The following LRP1B variants were observed in gnomAD, a reference collection of about 807,000 sequenced individuals.
LRP1B encodes LDL receptor related protein 1B, also known as low-density lipoprotein receptor-related protein 1B.
LRP1B carries 217 observed loss-of-function variants against 556.6 expected under a neutral mutation model. The observed-to-expected ratio is 0.39, with a 90% CI of 0.35 to 0.44. LRP1B has a LOEUF of 0.44. Ranked by LOEUF, LRP1B falls within the 20% of genes least tolerant of loss-of-function variation. The pLI, the probability that LRP1B is intolerant of heterozygous loss-of-function variation, is 1.00. For synonymous variants in LRP1B, 2,047 were observed against 1,865.8 expected, an observed-to-expected ratio of 1.10 and a Z score of -2.50; for missense variants, 5,053 against 5,620.8, an observed-to-expected ratio of 0.90 and a Z score of 3.23.
intron 2 of LRP1B, among the ~76,000 whole-genome samples, chr2:141,588,755 A>G (rs2105291019): frequency 6.6e-6 from 1 of 152,326 alleles, no homozygotes; most frequent in Middle Eastern, 3.4e-3. Flanking sequence ...CGGTGAATGA[A>G]TGGATTTTTA....
At chr2:141,448,354 T>A (rs746498225) in intron 3 of LRP1B, among the ~76,000 whole-genome samples, 10 of 152,184 alleles carry the variant, frequency 6.6e-5, no homozygotes, top group Non-Finnish European at 1.3e-4. Flanking sequence ...TGCTGGGCTC[T>A]GTGGGGTGGG....
At chr2:141,012,928 G>A (rs564363423) in intron 14 of LRP1B, among the ~76,000 whole-genome samples, 1 of 151,834 alleles carries the variant, frequency 6.6e-6, no homozygotes, top group South Asian at 2.1e-4. Flanking sequence ...TTACTAAACT[G>A]TTTTCTTCAT....
chr2:141,627,904 G>A (rs1209786529), intron 2 of LRP1B, among the ~76,000 whole-genome samples: 2 of 152,176 alleles, frequency 1.3e-5, no homozygotes, highest in African/African-American at 4.8e-5. Context: ...AGAGAGTTAA[G>A]AACTCATTGA....
intron 86 of LRP1B, among the ~76,000 whole-genome samples, chr2:140,264,708 G>T (rs1053819243): frequency 2.0e-4 from 2 of 9,878 alleles, no homozygotes; most frequent in African/African-American, 6.9e-4. Flanking sequence ...ATATATGTGT[G>T]TGTGTGTGTG....
chr2:140,668,285 G>A (rs1685352524), intron 41 of LRP1B, among the ~76,000 whole-genome samples: 1 of 109,058 alleles, frequency 9.2e-6, no homozygotes, highest in African/African-American at 3.6e-5. Flanking sequence ...ACTCCAGCCT[G>A]GGTGACAGAG....
chr2:141,183,856 T>C (rs1385895294), intron 7 of LRP1B, among the ~76,000 whole-genome samples: 3 of 152,090 alleles, frequency 2.0e-5, no homozygotes, highest in Non-Finnish European at 4.4e-5. Context: ...CTTTGGTACC[T>C]TGACTAAAAT....
At chr2:141,968,115 C>A (rs1296212864) in intron 1 of LRP1B, among the ~76,000 whole-genome samples, 2 of 151,782 alleles carry the variant, frequency 1.3e-5, no homozygotes, top group East Asian at 3.9e-4. Context: ...CAAATTTTGG[C>A]AGCAGGTCAC....
chr2:140,862,164 C>T (rs1323467398), intron 27 of LRP1B, among the ~76,000 whole-genome samples: 1 of 152,106 alleles, frequency 6.6e-6, no homozygotes, highest in Non-Finnish European at 1.5e-5. Context: ...AAATTCAGCA[C>T]ATTTCAAAGT....
Position 141,770,042 on chromosome 2 carries a change from G to A in LRP1B, c.205+40237C>T, listed in dbSNP as rs1055704982. On this transcript the variant is annotated intron_variant, in intron 2 of 90. Transcript: ENST00000389484. ...ACCTATTAAAGGACGGCATGAGAGC[G>A]GGGACAAAAAGGAAATTCGGTCCTA... Among the ~76,000 whole-genome samples, 20 of 152,088 alleles carry A rather than the reference G, an allele frequency of 1.3e-4. 1 individual carries two copies. In the South Asian group the frequency reaches 1.7e-3, roughly 13 times the overall value.
At chr2:141,166,755 C>T (rs555299171) in intron 7 of LRP1B, among the ~76,000 whole-genome samples, 2 of 151,968 alleles carry the variant, frequency 1.3e-5, no homozygotes, top group South Asian at 4.2e-4. Flanking sequence ...GTGCAGTTGT[C>T]TTCATCTATG....
chr2:140,690,791 A>G (rs1686208688), intron 41 of LRP1B, among the ~76,000 whole-genome samples: 1 of 152,144 alleles, frequency 6.6e-6, no homozygotes, highest in Non-Finnish European at 1.5e-5. Context: ...GGACAACTTC[A>G]TCTTTTATTT....
At chr2:141,060,407 T>C (rs1479395844) in intron 8 of LRP1B, among the ~76,000 whole-genome samples, 1 of 151,804 alleles carries the variant, frequency 6.6e-6, no homozygotes, top group East Asian at 1.9e-4. Flanking sequence ...GTGTATTTAC[T>C]AATATCATTT....
chr2:140,438,041 T>C (rs949765000), intron 66 of LRP1B, among the ~76,000 whole-genome samples: 1 of 152,200 alleles, frequency 6.6e-6, no homozygotes, highest in African/African-American at 2.4e-5. Flanking sequence ...TTTTCTGAGA[T>C]AGGGTCTGTG....
intron 18 of LRP1B, among the ~76,000 whole-genome samples, chr2:140,978,703 C>G (rs1467549947): frequency 6.6e-6 from 1 of 152,150 alleles, no homozygotes; most frequent in Non-Finnish European, 1.5e-5. Flanking sequence ...GCCTACTAGA[C>G]TTTGTCAGCT....
At chr2:141,288,534 A>C (rs1685813290) in intron 3 of LRP1B, among the ~76,000 whole-genome samples, 1 of 152,136 alleles carries the variant, frequency 6.6e-6, no homozygotes, top group Non-Finnish European at 1.5e-5. Context: ...TCAAGATACT[A>C]CAATAGGTAC....
At chr2:140,252,135 C>T (rs996864290) in intron 86 of LRP1B, among the ~76,000 whole-genome samples, 12 of 116,952 alleles carry the variant, frequency 1.0e-4, no homozygotes, top group African/African-American at 3.9e-4. Flanking sequence ...CATTTTGGGA[C>T]AGATACTTAG....
intron 7 of LRP1B, among the ~76,000 whole-genome samples, chr2:141,166,131 G>A (rs1052434969): frequency 2.0e-5 from 3 of 151,618 alleles, no homozygotes; most frequent in Non-Finnish European, 1.5e-5. Flanking sequence ...TCTATCTTTC[G>A]AAACTGTAAA....
intron 3 of LRP1B, among the ~76,000 whole-genome samples, chr2:141,446,610 G>A (rs979366210): frequency 5.9e-5 from 9 of 152,154 alleles, no homozygotes; most frequent in Admixed American, 1.3e-4. Context: ...GCCTGGTGGT[G>A]ACAAAATCTC....
At chr2:141,223,350 A>T (rs1281049299) in intron 6 of LRP1B, among the ~76,000 whole-genome samples, 2 of 152,130 alleles carry the variant, frequency 1.3e-5, no homozygotes, top group African/African-American at 4.8e-5. Context: ...GGCCTCTTCA[A>T]GGAGAATTGC....
Sources: gnomAD v4.1 joint callset for allele counts (sites outside exome capture counted in the v4.1 genomes callset) on GRCh38, gnomAD v4.1.1 for gene constraint, MANE v1.5 for transcripts, NCBI Gene and HGNC (gene_info 2026-07-23, HGNC 2026-07-21) for gene names.